Variants in CCDC102B observed in about 807,000 individuals in gnomAD.
The protein encoded by CCDC102B is coiled-coil domain containing 102B.
Under a neutral mutation model 57.4 loss-of-function variants are expected in CCDC102B, and 75 were observed. The ratio of observed to expected loss-of-function variants is 1.31; its 90% CI spans 1.08 to 1.58. The LOEUF (loss-of-function observed/expected upper bound fraction) is 1.58, where lower values mean the gene tolerates loss of function less well. CCDC102B is among the 40% of genes most tolerant of loss of function. CCDC102B has a pLI of 0.00. For synonymous variants in CCDC102B, 206 were observed against 201.9 expected, an observed-to-expected ratio of 1.02 and a Z score of -0.17; for missense variants, 636 against 582.6, an observed-to-expected ratio of 1.09 and a Z score of -0.94.
intron 7 of CCDC102B, among the ~76,000 whole-genome samples, chr18:69,032,819 C>CCAG (rs1292468141): frequency 6.6e-6 from 1 of 152,026 alleles, no homozygotes; most frequent in African/African-American, 2.4e-5. Context: ...CTATTAAGCA[C>CCAG]CAGCTTTGTA....
At chr18:69,032,097 G>A (rs914590026) in intron 7 of CCDC102B, among the ~76,000 whole-genome samples, 3 of 151,884 alleles carry the variant, frequency 2.0e-5, no homozygotes, top group African/African-American at 4.8e-5. Context: ...TGAAACTTGG[G>A]ACAAAAAATG....
chr18:68,791,871 T>C (rs2144662552), intron 2 of CCDC102B, among the ~76,000 whole-genome samples: 1 of 152,262 alleles, frequency 6.6e-6, no homozygotes, highest in East Asian at 1.9e-4. Flanking sequence ...TTTTCACTAC[T>C]CCATCACTGT....
chr18:68,901,524 T>C (rs6566394), intron 6 of CCDC102B, among the ~76,000 whole-genome samples: 136,979 of 152,018 alleles, frequency 0.9, 61,787 homozygotes, highest in Admixed American at 0.92. Context: ...AGGTACAGAG[T>C]GACAAAAGAA....
intron 6 of CCDC102B, among the ~76,000 whole-genome samples, chr18:68,943,364 A>G (rs1385335064): frequency 1.3e-5 from 2 of 152,112 alleles, no homozygotes; most frequent in African/African-American, 4.8e-5. Context: ...CTTTGAGAAA[A>G]CAATGGTTTC....
At chr18:68,969,495 T>G (rs2050247124) in intron 6 of CCDC102B, among the ~76,000 whole-genome samples, 1 of 150,926 alleles carries the variant, frequency 6.6e-6, no homozygotes, top group Non-Finnish European at 1.5e-5. Context: ...TTTTTTTTCG[T>G]TCCTTGTAGG....
intron 6 of CCDC102B, among the ~76,000 whole-genome samples, chr18:68,920,301 T>A (rs2145105309): frequency 6.6e-6 from 1 of 152,238 alleles, no homozygotes; most frequent in Admixed American, 6.5e-5. Flanking sequence ...CAAAACAGCA[T>A]AGTACTGATA....
In CCDC102B at chr18:68,829,502, A is replaced by G. The variant is rs557399724; in HGVS notation, c.-15-7247A>G. Among the ~76,000 whole-genome samples the G allele has an allele frequency of 6.6e-5, 10 of 152,144 alleles. No homozygotes were observed. In the East Asian group the frequency reaches 1.2e-3, roughly 18 times the overall value. On this transcript the variant is annotated intron_variant, in intron 1 of 7. Transcript: ENST00000360242. ...ATTTTGTCTTGATTGAAAAAATATT[A>G]TATGTACTTTTTGAAAATAAATAGG...
intron 2 of CCDC102B, among the ~76,000 whole-genome samples, chr18:68,775,034 T>G (rs1005509899): frequency 7.3e-5 from 11 of 151,166 alleles, no homozygotes; most frequent in Admixed American, 2.6e-4. Flanking sequence ...TTCTGTTTTT[T>G]TTTTGTTTTG....
At chr18:68,789,196 T>G (rs1211813434) in intron 2 of CCDC102B, among the ~76,000 whole-genome samples, 4 of 152,188 alleles carry the variant, frequency 2.6e-5, no homozygotes, top group Non-Finnish European at 5.9e-5. Context: ...TGCCGAGAGA[T>G]CTGCTGTTAG....
At chr18:68,963,383 C>A in intron 6 of CCDC102B, among the ~76,000 whole-genome samples, 1 of 151,962 alleles carries the variant, frequency 6.6e-6, no homozygotes, top group Middle Eastern at 3.4e-3. Context: ...TGGAGTGTAA[C>A]AGGGAATTCA....
intron 6 of CCDC102B, among the ~76,000 whole-genome samples, chr18:69,009,267 A>G (rs897863737): frequency 6.6e-6 from 1 of 152,110 alleles, no homozygotes. Flanking sequence ...TTAGATTCAT[A>G]TGCAGTTGTA....
rs150626962 is a variant in CCDC102B, at chr18:69,015,127, C to T, written c.1434+4023C>T. 7.9e-4 allele frequency among the ~76,000 whole-genome samples: 120 copies of T among 152,162 alleles called. No homozygotes were observed. The East Asian group carries it at 0.02, about 26-fold the overall frequency. On this transcript the variant is annotated intron_variant, in intron 7 of 7. Transcript: ENST00000360242. The stretch of plus-strand genomic sequence containing the variant: ...CTTGTTTGGCAAATGGAATGCGTGC[C>T]GTTTTCCAAAAGAATTTAGGAATCG...
chr18:68,939,453 C>G (rs951205888), intron 6 of CCDC102B, among the ~76,000 whole-genome samples: 1 of 151,526 alleles, frequency 6.6e-6, no homozygotes, highest in African/African-American at 2.4e-5. Context: ...AAACATCATT[C>G]TTGATGAAGA....
In CCDC102B at chr18:68,988,563, AAAC is replaced by A. The variant is rs1471034598; in HGVS notation, c.1264-22368_1264-22366del. ...AAATAAGTGTTGAAATTACAAAAAA[AAAC>A]AAAAAAAAAGGAAAAAAAAGAATTA... is the stretch of plus-strand genomic sequence containing the variant. On this transcript the variant is annotated intron_variant, in intron 6 of 7. Coordinates refer to ENST00000360242, the MANE Select transcript of CCDC102B (RefSeq NM_024781.3). Among the ~76,000 whole-genome samples, 9 of 145,412 alleles carry A rather than the reference AAAC, an allele frequency of 6.2e-5. No homozygotes were observed. In the East Asian group the frequency reaches 9.6e-4, roughly 16 times the overall value.
chr18:68,795,814 C>A (rs1036872068), upstream of CCDC102B, among the ~76,000 whole-genome samples: 2 of 152,094 alleles, frequency 1.3e-5, no homozygotes, highest in African/African-American at 2.4e-5. Context: ...ATTCAACTCA[C>A]CAAATATGTG....
intron 2 of CCDC102B, among the ~76,000 whole-genome samples, chr18:68,789,809 T>G (rs1036963650): frequency 6.6e-6 from 1 of 150,456 alleles, no homozygotes; most frequent in South Asian, 2.1e-4. Context: ...TTTGATCGTC[T>G]GAAGCCTTCT....
chr18:68,839,008 TGATAA>T, intron 3 of CCDC102B, 82 bp downstream of exon 3: 1 of 1,101,848 alleles, frequency 9.1e-7, no homozygotes, highest in South Asian at 1.3e-5. Flanking sequence ...ATTGGTCATT[TGATAA>T]TGTATTTTAT....
In CCDC102B at chr18:68,897,201, T is replaced by C; in HGVS notation, c.1054-18T>C. The stretch of plus-strand genomic sequence containing the variant: ...TTGCAAATGCTGCATGCTGCTTCTT[T>C]GTGTTTTCTGTGTGTAGCTAGAGAG... On this transcript the variant is annotated intron_variant, in intron 5 of 7. Coordinates refer to ENST00000360242, the MANE Select transcript of CCDC102B (RefSeq NM_024781.3). 1 of 1,595,096 alleles carries C rather than the reference T, an allele frequency of 6.3e-7. No homozygotes were observed. Among genetic ancestry groups the C allele is most frequent in the Non-Finnish European group, 8.5e-7 (1 of 1,170,602 alleles).
At chr18:68,945,565 G>A (rs2049515859) in intron 6 of CCDC102B, among the ~76,000 whole-genome samples, 1 of 152,062 alleles carries the variant, frequency 6.6e-6, no homozygotes, top group African/African-American at 2.4e-5. Flanking sequence ...ATCTTATAAT[G>A]TGCTTATTTC....
Sources: gnomAD v4.1 joint callset for allele counts (sites outside exome capture counted in the v4.1 genomes callset) on GRCh38, gnomAD v4.1.1 for gene constraint, MANE v1.5 for transcripts, NCBI Gene and HGNC (gene_info 2026-07-23, HGNC 2026-07-21) for gene names.